STRN: variants seen among roughly 807,000 people sequenced by gnomAD.
STRN encodes striatin, also known as protein phosphatase 2 regulatory subunit B'''alpha.
A neutral mutation model predicts 96.3 loss-of-function variants in STRN; 53 were observed. That is an observed-to-expected ratio of 0.55 (90% CI 0.44 to 0.69). The LOEUF (loss-of-function observed/expected upper bound fraction) is 0.69, where lower values mean the gene tolerates loss of function less well. STRN is among the 30% of genes least tolerant of loss of function. The pLI is 0.00. For synonymous variants in STRN, 428 were observed against 355.9 expected, an observed-to-expected ratio of 1.20 and a Z score of -2.28; for missense variants, 987 against 963.9, an observed-to-expected ratio of 1.02 and a Z score of -0.32.
intron 1 of STRN, among the ~76,000 whole-genome samples, chr2:36,940,971 G>C (rs1044985226): frequency 1.3e-5 from 2 of 151,980 alleles, no homozygotes; most frequent in African/African-American, 4.8e-5. Context: ...TGGACAACAT[G>C]GCAAAACCTC....
intron 1 of STRN, among the ~76,000 whole-genome samples, chr2:36,949,611 A>G (rs1664702433): frequency 1.3e-5 from 2 of 152,320 alleles, no homozygotes; most frequent in Non-Finnish European, 2.9e-5. Context: ...TAAACTACGT[A>G]TTTTACAAAC....
At chr2:36,891,879 T>C (rs982144560) in intron 7 of STRN, among the ~76,000 whole-genome samples, 3 of 152,236 alleles carry the variant, frequency 2.0e-5, no homozygotes, top group African/African-American at 7.2e-5. Flanking sequence ...AACAGAATTT[T>C]TAAATGAATG....
intron 1 of STRN, among the ~76,000 whole-genome samples, chr2:36,935,369 A>G (rs747209262): frequency 6.6e-6 from 1 of 152,230 alleles, no homozygotes; most frequent in African/African-American, 2.4e-5. Context: ...TATGAGACTT[A>G]TATTAATGTT....
chr2:36,904,328 C>T lies in STRN; in HGVS notation c.491+1212G>A, dbSNP rs142934345. ...AGCTGCTATACATCCACTTTGGAAA[C>T]CTTGGGTTTAAACAACTTATAATCA... On this transcript the variant is annotated intron_variant, in intron 4 of 17. Transcript: ENST00000263918. 3.8e-3 allele frequency among the ~76,000 whole-genome samples: 573 copies of T among 152,190 alleles called. 2 individuals carry two copies. Among genetic ancestry groups the T allele is most frequent in the African/African-American group, 0.013 (551 of 41,522 alleles).
chr2:36,839,812 C>T lies in STRN; in HGVS notation c.*9644G>A, dbSNP rs1279946488. The T allele has an allele frequency of 6.6e-6, 1 of 152,088 alleles. No homozygotes were observed. Among genetic ancestry groups the T allele is most frequent in the African/African-American group, 2.4e-5 (1 of 41,410 alleles). 9.4% of individuals were successfully genotyped at this position (152,088 alleles called of 1,614,324 possible). The stretch of plus-strand genomic sequence containing the variant: ...ATATTTCATATGTAATTTGCTGATT[C>T]TTTTAATGATTTAAAGTCATTTGAA... On this transcript the variant is annotated 3_prime_UTR_variant, in exon 18 of 18. Coordinates refer to ENST00000263918, the MANE Select transcript of STRN (RefSeq NM_003162.4).
rs191869719 is a variant in STRN at position 36,933,927 on chromosome 2, C to G, written c.235-8719G>C. On this transcript the variant is annotated intron_variant, in intron 1 of 17. Coordinates refer to ENST00000263918, the MANE Select transcript of STRN (RefSeq NM_003162.4). ...GAGTTTGATACCAGCCTGGCCAACA[C>G]GGCGAAACCCTGTCTCTACTAAAAA... Among the ~76,000 whole-genome samples, 1,085 of 152,164 alleles carry G rather than the reference C, an allele frequency of 7.1e-3. 17 individuals are homozygous for G. The highest frequency in any genetic ancestry group is 0.025 in the African/African-American group (1,043 of 41,532).
At chr2:36,875,562 T>C (rs1462832024) in intron 10 of STRN, among the ~76,000 whole-genome samples, 3 of 13,774 alleles carry the variant, frequency 2.2e-4, no homozygotes, top group Admixed American at 2.9e-3. Flanking sequence ...ACAAAGGTTA[T>C]CAAAAATTAC....
chr2:36,852,499 G>T (rs956297417), intron 15 of STRN, among the ~76,000 whole-genome samples: 1 of 152,108 alleles, frequency 6.6e-6, no homozygotes, highest in Non-Finnish European at 1.5e-5. Context: ...AAAGGATCTA[G>T]GGGAATAGGA....
chr2:36,879,061 GT>G (rs1175354950), intron 9 of STRN, among the ~76,000 whole-genome samples: 1 of 148,516 alleles, frequency 6.7e-6, no homozygotes, highest in Non-Finnish European at 1.5e-5. Context: ...TAAAGAAAAT[GT>G]TTTGTTTATT....
chr2:36,924,498 CTA>C lies in STRN; in HGVS notation c.338+605_338+606del, dbSNP rs774029999. Among the ~76,000 whole-genome samples, 8 of 151,210 alleles carry C rather than the reference CTA, an allele frequency of 5.3e-5. No individual in the cohort carries two copies. The East Asian group carries it at 1.4e-3, about 26-fold the overall frequency. ...AGAAATTTCCTTTAAAAATTAAAAA[CTA>C]TTTCAACTTTAAAATGAATGGGTAT... On this transcript the variant is annotated intron_variant, in intron 2 of 17. Coordinates refer to ENST00000263918, the MANE Select transcript of STRN (RefSeq NM_003162.4).
chr2:36,844,285 G>A lies in STRN; in HGVS notation c.*5171C>T, dbSNP rs1022177008. On this transcript the variant is annotated 3_prime_UTR_variant, in exon 18 of 18. Transcript: ENST00000263918. ...CAGCCAAACAATGAAGAGATAGTAGGGAGGGAGATGTGTGGTAGACCAAAG... is the reference window on the plus strand; with the variant it reads ...CAGCCAAACAATGAAGAGATAGTAGAGAGGGAGATGTGTGGTAGACCAAAG... The A allele has an allele frequency of 6.6e-6, 1 of 152,116 alleles. No individual in the cohort carries two copies. The highest frequency in any genetic ancestry group is 1.5e-5 in the Non-Finnish European group (1 of 68,022). 9.4% of individuals were successfully genotyped at this position (152,116 alleles called of 1,614,324 possible). A position where few individuals can be genotyped will look rare whatever the true frequency, so the allele number is the denominator to read the frequency against.
chr2:36,954,530 A>C (rs1184827988), intron 1 of STRN, among the ~76,000 whole-genome samples: 1 of 151,820 alleles, frequency 6.6e-6, no homozygotes, highest in East Asian at 1.9e-4. Flanking sequence ...GAAAAAAAAA[A>C]AAAAAAAGAG....
intron 1 of STRN, among the ~76,000 whole-genome samples, chr2:36,945,678 T>G (rs1457701140): frequency 1.3e-5 from 2 of 150,294 alleles, no homozygotes; most frequent in South Asian, 4.2e-4. Flanking sequence ...AAAAAAAGAA[T>G]GCAGAAGTAA....
At chr2:36,955,797 G>A (rs1315637673) in intron 1 of STRN, among the ~76,000 whole-genome samples, 4 of 152,174 alleles carry the variant, frequency 2.6e-5, no homozygotes, top group South Asian at 2.1e-4. Flanking sequence ...GGGACCAGAA[G>A]TGTTTTAGAT....
intron 3 of STRN, among the ~76,000 whole-genome samples, chr2:36,915,232 AATAT>A (rs72466696): frequency 0.027 from 2,333 of 86,370 alleles, 39 homozygotes; most frequent in Non-Finnish European, 0.031. Context: ...TGAATACATA[AATAT>A]ATATATATAT....
Position 36,848,663 on chromosome 2 carries a change from A to G in STRN, c.*793T>C, listed in dbSNP as rs1227908413. ...ATATGCCCTGTTTACCCTTAAAAAT[A>G]AACAGAATTTCAAACCTGAATAAGT... On this transcript the variant is annotated 3_prime_UTR_variant, in exon 18 of 18. Coordinates refer to ENST00000263918, the MANE Select transcript of STRN (RefSeq NM_003162.4). The G allele has an allele frequency of 1.3e-5, 2 of 152,216 alleles. No individual in the cohort carries two copies. The highest frequency in any genetic ancestry group is 3.8e-4 in the East Asian group (2 of 5,196). The allele number at this position is 152,216 out of a possible 1,614,324, so 9.4% of individuals were successfully genotyped here. A position where few individuals can be genotyped will look rare whatever the true frequency, so the allele number is the denominator to read the frequency against.
intron 4 of STRN, among the ~76,000 whole-genome samples, chr2:36,903,362 A>T (rs2148201413): frequency 6.6e-6 from 1 of 152,350 alleles, no homozygotes; most frequent in African/African-American, 2.4e-5. Context: ...TGAGAGCTAG[A>T]TCTAGGTCCT....
intron 1 of STRN, among the ~76,000 whole-genome samples, chr2:36,947,323 A>T (rs960414484): frequency 2.0e-5 from 3 of 152,092 alleles, no homozygotes; most frequent in African/African-American, 7.2e-5. Flanking sequence ...TCCTGCTAAA[A>T]ATACACAAAA....
chr2:36,893,885 T>A lies in STRN; in HGVS notation c.931+13A>T. The A allele has an allele frequency of 1.9e-6, 3 of 1,594,068 alleles. No homozygotes were observed. In the South Asian group the frequency reaches 3.5e-5, roughly 18 times the overall value. On this transcript the variant is annotated intron_variant, in intron 7 of 17. Transcript: ENST00000263918. ...ACTTAACATCTCTGGTTGGATCCAG[T>A]ATGCTTCCTTACCCCAGTCTGTTCC...
Sources: allele counts gnomAD v4.1 joint callset (sites outside exome capture counted in the v4.1 genomes callset), GRCh38; gene constraint gnomAD v4.1.1; transcripts MANE v1.5; gene names NCBI Gene and HGNC (gene_info 2026-07-23, HGNC 2026-07-21).